EIF4B: variants seen among roughly 807,000 people sequenced by gnomAD.
EIF4B encodes eukaryotic translation initiation factor 4B.
EIF4B carries 8 observed loss-of-function variants against 79.3 expected under a neutral mutation model. The observed-to-expected ratio is 0.10, with a 90% CI of 0.06 to 0.18. The LOEUF (loss-of-function observed/expected upper bound fraction) is 0.18. EIF4B is among the 10% of genes least tolerant of loss of function. The pLI is 1.00. For missense variants in EIF4B, 515 were observed against 792.4 expected (o/e 0.65, Z 4.20); for synonymous variants, 238 against 274.7 (o/e 0.87, Z 1.32).
chr12:53,034,726 T>C lies in EIF4B; in HGVS notation c.1306+17T>C. 6.2e-7 allele frequency: 1 copy of C among 1,613,860 alleles called. No homozygotes were observed. The highest frequency in any genetic ancestry group is 8.5e-7 in the Non-Finnish European group (1 of 1,179,824). On this transcript the variant is annotated intron_variant, in intron 10 of 14. Coordinates refer to ENST00000262056, the MANE Select transcript of EIF4B (RefSeq NM_001417.7). ...CTAGCAGAAGTAAGTCAGACCAGGG[T>C]GGGTATCGTGTTATTGCCGTTTTCC...
intron 8 of EIF4B, among the ~76,000 whole-genome samples, chr12:53,029,006 A>G (rs1326820604): frequency 1.3e-5 from 2 of 151,984 alleles, no homozygotes; most frequent in African/African-American, 2.4e-5. Flanking sequence ...CATACCTATC[A>G]TCCCAGCTAC....
At chr12:53,010,753 TCTAGAGATGGA>T (rs1234187287) in intron 1 of EIF4B, among the ~76,000 whole-genome samples, 3 of 152,028 alleles carry the variant, frequency 2.0e-5, no homozygotes, top group Non-Finnish European at 4.4e-5. Flanking sequence ...TTCAAGCGGT[TCTAGAGATGGA>T]GTTTCACCAT....
At chr12:53,021,887 T>G in intron 5 of EIF4B, 27 bp downstream of exon 5, 1 of 1,614,026 alleles carries the variant, frequency 6.2e-7, no homozygotes, top group Non-Finnish European at 8.5e-7. Context: ...AGATTTCTGT[T>G]TGGTAATGGT....
At chr12:53,025,464 G>A (rs1943318268) in intron 6 of EIF4B, 1 of 310,180 alleles carries the variant, frequency 3.2e-6, no homozygotes, top group African/African-American at 2.2e-5. Flanking sequence ...GGGGTGTTGG[G>A]GGGTATTACA....
chr12:53,010,920 A>G (rs1943053795), intron 1 of EIF4B, among the ~76,000 whole-genome samples: 1 of 152,176 alleles, frequency 6.6e-6, no homozygotes, highest in Admixed American at 6.6e-5. Context: ...CACTTTTAGT[A>G]ACAGCTTTAT....
rs777111413 is a variant in EIF4B, at chr12:53,027,136, A to ATTTTTTTTT, written c.668-646_668-645insTTTTTTTTT. On this transcript the variant is annotated intron_variant, in intron 6 of 14. Transcript: ENST00000262056. Reference sequence around the variant, plus strand: ...GAGACTGTCTCTCAAAAAAAAAAAAAATTTTTTTTTTTTTTTTTTTTGAGA... The same window carrying ATTTTTTTTT: ...GAGACTGTCTCTCAAAAAAAAAAAAATTTTTTTTTATTTTTTTTTTTTTTTTTTTTGAGA... 9.2e-4 allele frequency among the ~76,000 whole-genome samples: 27 copies of ATTTTTTTTT among 29,480 alleles called. 5 individuals are homozygous for ATTTTTTTTT. The highest frequency in any genetic ancestry group is 8.4e-3 in the East Asian group (5 of 598). The allele number at this position is 29,480 out of a possible 152,430, so 19.3% of individuals were successfully genotyped here. A position where few individuals can be genotyped will look rare whatever the true frequency, so the allele number is the denominator to read the frequency against.
intron 3 of EIF4B, among the ~76,000 whole-genome samples, chr12:53,019,437 A>ATATATTTTTTTTCTTTTTT (rs1943205076): frequency 5.9e-5 from 3 of 51,022 alleles, no homozygotes; most frequent in South Asian, 9.6e-4. Context: ...ATATATATAT[A>ATATATTTTTTTTCTTTTTT]TTTTTTTTTT....
chr12:53,007,420 C>CTTTTTTTT lies in EIF4B; in HGVS notation c.13+945_13+952dup, dbSNP rs56017954. 5.4e-5 allele frequency among the ~76,000 whole-genome samples: 5 copies of CTTTTTTTT among 92,236 alleles called. 1 individual carries two copies. Among genetic ancestry groups the CTTTTTTTT allele is most frequent in the African/African-American group, 2.5e-4 (5 of 19,636 alleles). The allele number at this position is 92,236 out of a possible 152,430, so 60.5% of individuals were successfully genotyped here. On this transcript the variant is annotated intron_variant, in intron 1 of 14. Transcript: ENST00000262056. ...GATAGCTCCAATGGTAGATTTCAGC[C>CTTTTTTTT]TTTTTTTTTTTTTTTTTTTTTTTTT...
intron 1 of EIF4B, among the ~76,000 whole-genome samples, chr12:53,010,248 A>C (rs139322489): frequency 5.1e-4 from 78 of 152,348 alleles, no homozygotes; most frequent in Non-Finnish European, 9.6e-4. Context: ...AGGTCATGTA[A>C]CTGAACCCGT....
intron 5 of EIF4B, chr12:53,022,216 G>C: frequency 3.0e-6 from 2 of 676,104 alleles, no homozygotes; most frequent in Non-Finnish European, 2.7e-6. Flanking sequence ...CTAACAGCAC[G>C]TTGGTCACAA....
At position 53,027,925 on chromosome 12, in the gene EIF4B, T is replaced by C. The variant is rs765001809; in HGVS notation, c.805+6T>C. 29 of 1,612,532 alleles carry C rather than the reference T, an allele frequency of 1.8e-5. No homozygotes were observed. The highest frequency in any genetic ancestry group is 3.3e-4 in the Middle Eastern group (2 of 6,076). On this transcript the variant is annotated splice_donor_region_variant and intron_variant, in intron 7 of 14. Transcript: ENST00000262056. Reference sequence around the variant, plus strand: ...CAGCAGAGACTATGATAGAGGTAATTGTAAAACATGTCGAATTGCTCTTTC... The same window carrying C: ...CAGCAGAGACTATGATAGAGGTAATCGTAAAACATGTCGAATTGCTCTTTC...
At chr12:53,006,561 T>A (rs1942963837) in intron 1 of EIF4B, 65 bp downstream of exon 1, 3 of 1,611,412 alleles carry the variant, frequency 1.9e-6, no homozygotes, top group Non-Finnish European at 2.5e-6. Context: ...CGTGATCCAC[T>A]GATTTCCTGA....
intron 1 of EIF4B, chr12:53,014,590 T>C (rs1943118673): frequency 6.6e-6 from 1 of 152,228 alleles, no homozygotes; most frequent in Admixed American, 6.5e-5. Flanking sequence ...ACCGTAATAC[T>C]TCAGGTTCTA....
chr12:53,021,941 G>C, intron 5 of EIF4B, 81 bp downstream of exon 5: 1 of 1,555,078 alleles, frequency 6.4e-7, no homozygotes, highest in Non-Finnish European at 8.8e-7. Context: ...AATTTGAATA[G>C]GGGTAGTGGT....
At chr12:53,022,046 G>A (rs917925004) in intron 5 of EIF4B, 186 bp downstream of exon 5, 1 of 676,924 alleles carries the variant, frequency 1.5e-6, no homozygotes, top group African/African-American at 1.8e-5. Context: ...GTCACAATTG[G>A]AGGGAGTGCT....
At chr12:53,032,889 T>G (rs1943471780) in intron 8 of EIF4B, among the ~76,000 whole-genome samples, 1 of 152,116 alleles carries the variant, frequency 6.6e-6, no homozygotes, top group African/African-American at 2.4e-5. Flanking sequence ...CAGGCTGGTC[T>G]CGAACTCCTG....
At chr12:53,014,106 G>A (rs981179441) in intron 1 of EIF4B, among the ~76,000 whole-genome samples, 6 of 151,808 alleles carry the variant, frequency 4.0e-5, no homozygotes, top group Non-Finnish European at 5.9e-5. Context: ...AAGCTGCAGT[G>A]AGCCACGATT....
chr12:53,009,632 C>T (rs890077489), intron 1 of EIF4B, among the ~76,000 whole-genome samples: 2 of 152,192 alleles, frequency 1.3e-5, no homozygotes, highest in African/African-American at 4.8e-5. Context: ...GGAGAAGATG[C>T]TCTGCAGTGG....
chr12:53,019,858 A>G (rs1943219866), intron 3 of EIF4B, 52 bp from the exon 4 acceptor site: 6 of 1,563,136 alleles, frequency 3.8e-6, no homozygotes, highest in African/African-American at 2.7e-5. Context: ...TCAAAAAATG[A>G]CAAATGAAGA....
Sources: allele counts gnomAD v4.1 joint callset (sites outside exome capture counted in the v4.1 genomes callset), GRCh38; gene constraint gnomAD v4.1.1; transcripts MANE v1.5; gene names NCBI Gene and HGNC (gene_info 2026-07-23, HGNC 2026-07-21).